Variants in KCNJ6 observed in about 807,000 individuals in gnomAD.
KCNJ6 encodes the protein potassium inwardly rectifying channel subfamily J member 6.
A neutral mutation model predicts 34.2 loss-of-function variants in KCNJ6; 9 were observed. The observed-to-expected ratio is 0.26, with a 90% confidence interval of 0.16 to 0.46. The LOEUF (loss-of-function observed/expected upper bound fraction) is 0.46. KCNJ6 is among the 20% of genes least tolerant of loss of function. The pLI is 1.00. For missense variants in KCNJ6, 236 were observed against 531.3 expected, an observed-to-expected ratio of 0.44 and a Z score of 5.46; for synonymous variants, 196 against 207.1, an observed-to-expected ratio of 0.95 and a Z score of 0.46.
At chr21:37,914,968 G>A (rs2055886432) in intron 1 of KCNJ6, among the ~76,000 whole-genome samples, 1 of 151,294 alleles carries the variant, frequency 6.6e-6, no homozygotes, top group Non-Finnish European at 1.5e-5. Context: ...GAATTCTTTG[G>A]AAAATTCTGG....
Position 37,656,615 on chromosome 21 carries a change from G to A in KCNJ6, c.947-31131C>T, listed in dbSNP as rs184817020. Among the ~76,000 whole-genome samples, 149 of 152,316 alleles carry A rather than the reference G, an allele frequency of 9.8e-4. 1 individual carries two copies. The highest frequency in any genetic ancestry group is 9.3e-3 in the Admixed American group (142 of 15,310). ...GGGGTGGTGCAGCTGGAGCTGGAGCGGCTGGGGCTGGCATGGGACACAAGG... is the reference window on the plus strand; with the variant it reads ...GGGGTGGTGCAGCTGGAGCTGGAGCAGCTGGGGCTGGCATGGGACACAAGG... On this transcript the variant is annotated intron_variant, in intron 3 of 3. Coordinates refer to ENST00000609713, the MANE Select transcript of KCNJ6 (RefSeq NM_002240.5).
chr21:37,750,183 C>T lies in KCNJ6; in HGVS notation c.26-35052G>A, dbSNP rs189929849. On this transcript the variant is annotated intron_variant, in intron 2 of 3. Transcript: ENST00000609713. ...GCAAATCAAAACCACAATGAGATAT[C>T]ATCTTACACCAGTTAGAATGGCAAT... 1.9e-3 allele frequency among the ~76,000 whole-genome samples: 286 copies of T among 152,276 alleles called. 1 individual carries two copies. Among genetic ancestry groups the T allele is most frequent in the Non-Finnish European group, 1.1e-3 (73 of 68,024 alleles).
rs191083141 is a variant in KCNJ6, at chr21:37,653,642, C to T, written c.947-28158G>A. Reference sequence around the variant, plus strand: ...ATTAATTCCACAGTGCATGGTATTACAGGACTTCAGTCAATGTTTGATACA... The same window carrying T: ...ATTAATTCCACAGTGCATGGTATTATAGGACTTCAGTCAATGTTTGATACA... On this transcript the variant is annotated intron_variant, in intron 3 of 3. Transcript: ENST00000609713. Among the ~76,000 whole-genome samples, 296 of 152,300 alleles carry T rather than the reference C, an allele frequency of 1.9e-3. 1 individual carries two copies. The highest frequency in any genetic ancestry group is 5.5e-3 in the African/African-American group (228 of 41,552).
At chr21:37,829,431 T>G (rs1209722106) in intron 2 of KCNJ6, among the ~76,000 whole-genome samples, 2 of 152,212 alleles carry the variant, frequency 1.3e-5, no homozygotes, top group Non-Finnish European at 2.9e-5. Context: ...GGAGAGGTGC[T>G]TCTGCACTTG....
intron 1 of KCNJ6, among the ~76,000 whole-genome samples, chr21:37,898,579 T>G (rs1172775534): frequency 5.0e-5 from 7 of 139,608 alleles, no homozygotes; most frequent in African/African-American, 1.9e-4. Flanking sequence ...AAAGACTCCA[T>G]CTCAAAAGAA....
chr21:37,766,160 G>A (rs945218772), intron 2 of KCNJ6, among the ~76,000 whole-genome samples: 1 of 152,210 alleles, frequency 6.6e-6, no homozygotes, highest in African/African-American at 2.4e-5. Flanking sequence ...AGAAAGCTCA[G>A]TACTGTATGG....
At chr21:37,881,180 G>A (rs1027292193) in intron 1 of KCNJ6, among the ~76,000 whole-genome samples, 1 of 152,158 alleles carries the variant, frequency 6.6e-6, no homozygotes, top group Non-Finnish European at 1.5e-5. Flanking sequence ...CACAAGCTGG[G>A]ATGCACCCAA....
intron 2 of KCNJ6, among the ~76,000 whole-genome samples, chr21:37,735,316 G>A (rs2054907212): frequency 6.6e-6 from 1 of 152,198 alleles, no homozygotes; most frequent in African/African-American, 2.4e-5. Context: ...GGGACAGCCT[G>A]AGGCTGGGAT....
intron 1 of KCNJ6, among the ~76,000 whole-genome samples, chr21:37,848,211 A>G (rs1386967281): frequency 1.3e-5 from 2 of 152,162 alleles, no homozygotes; most frequent in African/African-American, 4.8e-5. Context: ...ATGGTGGGAG[A>G]TGTGGAGGCA....
At chr21:37,658,936 C>T (rs1385879502) in intron 3 of KCNJ6, among the ~76,000 whole-genome samples, 3 of 152,238 alleles carry the variant, frequency 2.0e-5, no homozygotes, top group African/African-American at 7.2e-5. Context: ...ACATTAAACT[C>T]CTTGTTCTCT....
intron 2 of KCNJ6, among the ~76,000 whole-genome samples, chr21:37,750,051 C>CT (rs1241030078): frequency 1.3e-5 from 2 of 152,124 alleles, no homozygotes; most frequent in Admixed American, 1.3e-4. Context: ...AAAAAAAATG[C>CT]TTGCTGCTTT....
chr21:37,908,139 G>A (rs988812902), intron 1 of KCNJ6, among the ~76,000 whole-genome samples: 3 of 152,194 alleles, frequency 2.0e-5, no homozygotes, highest in Non-Finnish European at 4.4e-5. Context: ...ATCTGAGTTA[G>A]GGAAATGGAA....
intron 3 of KCNJ6, among the ~76,000 whole-genome samples, chr21:37,664,030 T>C (rs1359445061): frequency 6.6e-6 from 1 of 152,170 alleles, no homozygotes; most frequent in Non-Finnish European, 1.5e-5. Context: ...CCAATTATTA[T>C]GAAATTAATT....
intron 1 of KCNJ6, among the ~76,000 whole-genome samples, chr21:37,890,195 A>T (rs994087385): frequency 1.3e-5 from 2 of 152,208 alleles, no homozygotes; most frequent in Admixed American, 1.3e-4. Context: ...AAGAGGAAGC[A>T]AGCACATCCT....
In KCNJ6 at chr21:37,903,961, AC is replaced by A. The variant is rs375714698; in HGVS notation, c.-28+11922del. ...TATATTGGTAGAGAGTAACCAAAAAACATCCAGATATTGTTGAGTAACTGAT... is the reference window on the plus strand; with the variant it reads ...TATATTGGTAGAGAGTAACCAAAAAAATCCAGATATTGTTGAGTAACTGAT... On this transcript the variant is annotated intron_variant, in intron 1 of 3. Transcript: ENST00000609713. Among the ~76,000 whole-genome samples, 612 of 152,344 alleles carry A rather than the reference AC, an allele frequency of 4.0e-3. 5 individuals carry two copies. The highest frequency in any genetic ancestry group is 0.014 in the African/African-American group (579 of 41,572).
intron 3 of KCNJ6, among the ~76,000 whole-genome samples, chr21:37,669,157 C>T (rs2054530570): frequency 6.6e-6 from 1 of 152,204 alleles, no homozygotes; most frequent in African/African-American, 2.4e-5. Flanking sequence ...AATAACTTAA[C>T]TCTTCAACCA....
intron 2 of KCNJ6, among the ~76,000 whole-genome samples, chr21:37,823,959 T>A (rs201033740): frequency 0.015 from 2 of 130 alleles, no homozygotes; most frequent in Admixed American, 0.12. Flanking sequence ...AGATCTTAAA[T>A]ATTATCACCA....
intron 3 of KCNJ6, among the ~76,000 whole-genome samples, chr21:37,643,808 A>G (rs966148875): frequency 3.3e-5 from 5 of 152,238 alleles, no homozygotes; most frequent in African/African-American, 1.2e-4. Context: ...GCAGAGGGTT[A>G]CTAGAGAGAA....
chr21:37,728,758 G>A (rs534920424), intron 2 of KCNJ6, among the ~76,000 whole-genome samples: 3 of 152,070 alleles, frequency 2.0e-5, no homozygotes, highest in South Asian at 4.2e-4. Flanking sequence ...GGAGAGAGAC[G>A]CTTCCATTTT....
Sources: allele counts gnomAD v4.1 joint callset (sites outside exome capture counted in the v4.1 genomes callset), GRCh38; gene constraint gnomAD v4.1.1; transcripts MANE v1.5; gene names NCBI Gene and HGNC (gene_info 2026-07-23, HGNC 2026-07-21).